Variants in ATF2 observed in about 807,000 individuals in gnomAD.
The protein encoded by ATF2 is cyclic AMP-dependent transcription factor ATF-2.
In ATF2, 24 loss-of-function variants were observed where a neutral mutation model predicts 60.6. The ratio of observed to expected loss-of-function variants is 0.40; its 90% CI spans 0.29 to 0.56. The LOEUF is 0.56. Ranked by LOEUF, ATF2 falls within the 20% of genes least tolerant of loss-of-function variation. The probability of loss-of-function intolerance (pLI) is 0.54; values close to 1 mark genes in which losing one functional copy is unlikely to be tolerated. For synonymous variants in ATF2, 206 were observed against 215.4 expected (o/e 0.96, Z 0.38); for missense variants, 433 against 607.7 (o/e 0.71, Z 3.02).
At chr2:175,154,215 AAAAAG>A (rs1164417869) in intron 1 of ATF2, among the ~76,000 whole-genome samples, 1 of 140,978 alleles carries the variant, frequency 7.1e-6, no homozygotes, top group Non-Finnish European at 1.5e-5. Flanking sequence ...ACTCCATCTC[AAAAAG>A]AAAAGAAAAA....
At chr2:175,140,735 T>C (rs566389560) in intron 2 of ATF2, among the ~76,000 whole-genome samples, 1 of 150,340 alleles carries the variant, frequency 6.7e-6, no homozygotes, top group African/African-American at 2.5e-5. Flanking sequence ...ACACCTGTAA[T>C]GATAGCACTT....
At chr2:175,075,995 A>T (rs950820951) in intron 13 of ATF2, among the ~76,000 whole-genome samples, 1 of 152,134 alleles carries the variant, frequency 6.6e-6, no homozygotes, top group Non-Finnish European at 1.5e-5. Flanking sequence ...CAAATCTAAG[A>T]ATGTGTATTG....
chr2:175,076,632 C>A (rs1445008203), intron 13 of ATF2, among the ~76,000 whole-genome samples: 2 of 151,712 alleles, frequency 1.3e-5, no homozygotes, highest in African/African-American at 4.8e-5. Flanking sequence ...ATTAAAATAG[C>A]CAATATAATC....
chr2:175,086,550 G>A (rs922159109), intron 12 of ATF2, among the ~76,000 whole-genome samples: 1 of 152,072 alleles, frequency 6.6e-6, no homozygotes, highest in African/African-American at 2.4e-5. Flanking sequence ...AAAGCTGAGT[G>A]GTTCCTAAGT....
chr2:175,094,330 G>A (rs1242886169), intron 11 of ATF2, among the ~76,000 whole-genome samples: 1 of 146,520 alleles, frequency 6.8e-6, no homozygotes, highest in African/African-American at 2.5e-5. Flanking sequence ...GGAGGCAGAG[G>A]TTGCAGTGAG....
At chr2:175,146,710 A>G (rs1018400646) in intron 2 of ATF2, among the ~76,000 whole-genome samples, 1 of 152,214 alleles carries the variant, frequency 6.6e-6, no homozygotes, top group African/African-American at 2.4e-5. Flanking sequence ...ATGAAATCGC[A>G]TCTTCTTGCT....
intron 4 of ATF2, among the ~76,000 whole-genome samples, chr2:175,124,034 G>T (rs942246597): frequency 3.3e-5 from 5 of 151,656 alleles, no homozygotes; most frequent in African/African-American, 1.2e-4. Context: ...TAAAATAGCT[G>T]CAAGCTAAAT....
chr2:175,124,079 T>C (rs916801054), intron 4 of ATF2, among the ~76,000 whole-genome samples: 1 of 9,678 alleles, frequency 1.0e-4, no homozygotes, highest in East Asian at 0.056. Flanking sequence ...GTCTTCCCAG[T>C]CAAATTATAT....
chr2:175,163,260 T>C (rs1426284773), intron 1 of ATF2, among the ~76,000 whole-genome samples: 1 of 151,866 alleles, frequency 6.6e-6, no homozygotes, highest in African/African-American at 2.4e-5. Flanking sequence ...CTAAAAAAAT[T>C]AGAATGACAA....
chr2:175,098,963 TTC>T (rs1695127894), intron 10 of ATF2, among the ~76,000 whole-genome samples: 2 of 152,208 alleles, frequency 1.3e-5, no homozygotes, highest in Non-Finnish European at 2.9e-5. Flanking sequence ...AGTGGACATT[TTC>T]TCTCTCTTGT....
chr2:175,158,420 C>T (rs926101265), intron 1 of ATF2, among the ~76,000 whole-genome samples: 11 of 151,732 alleles, frequency 7.2e-5, no homozygotes, highest in South Asian at 2.1e-4. Flanking sequence ...ACCGGTCTCA[C>T]GATGTTGCCC....
chr2:175,082,390 T>TGG (rs1458350306), intron 12 of ATF2, among the ~76,000 whole-genome samples: 4 of 152,204 alleles, frequency 2.6e-5, no homozygotes, highest in African/African-American at 7.2e-5. Context: ...AGGAAACACC[T>TGG]TCTCCAACTG....
intron 1 of ATF2, among the ~76,000 whole-genome samples, chr2:175,159,803 A>G (rs966067638): frequency 3.9e-5 from 6 of 152,230 alleles, no homozygotes; most frequent in African/African-American, 9.6e-5. Context: ...AAATTTACAG[A>G]GTAATAATTA....
rs1693147482 is a variant in ATF2 at position 175,074,535 on chromosome 2, G to GA, written c.*73dup. On this transcript the variant is annotated 3_prime_UTR_variant, in exon 14 of 14. Transcript: ENST00000264110. Reference sequence around the variant, plus strand: ...TACAACCACAGATTTCGCATAAATGGAAACTGGTCTTTCCTTGATTTCCCT... The same window carrying GA: ...TACAACCACAGATTTCGCATAAATGGAAAACTGGTCTTTCCTTGATTTCCCT... 1.4e-6 allele frequency: 2 copies of GA among 1,469,136 alleles called. No homozygotes were observed. Among genetic ancestry groups the GA allele is most frequent in the South Asian group, 2.7e-5 (2 of 73,594 alleles). The allele number at this position is 1,469,136 out of a possible 1,614,324, so 91.0% of individuals were successfully genotyped here.
At chr2:175,154,034 A>C (rs1486858626) in intron 1 of ATF2, among the ~76,000 whole-genome samples, 1 of 151,482 alleles carries the variant, frequency 6.6e-6, no homozygotes, top group African/African-American at 2.4e-5. Context: ...AGCGTGACCA[A>C]CATGGACCTC....
chr2:175,129,813 C>A (rs1697600941), intron 4 of ATF2, among the ~76,000 whole-genome samples: 1 of 151,970 alleles, frequency 6.6e-6, no homozygotes, highest in African/African-American at 2.4e-5. Flanking sequence ...GATCTGATTT[C>A]TAATTAGGCA....
chr2:175,095,412 G>A (rs1346145041), intron 11 of ATF2, among the ~76,000 whole-genome samples: 3 of 152,130 alleles, frequency 2.0e-5, no homozygotes, highest in African/African-American at 7.2e-5. Flanking sequence ...AGAATGGCAG[G>A]TTTTTTCTTT....
chr2:175,084,132 C>T (rs922826826), intron 12 of ATF2, among the ~76,000 whole-genome samples: 7 of 152,076 alleles, frequency 4.6e-5, no homozygotes, highest in Admixed American at 2.6e-4. Flanking sequence ...ACCCAGCCAT[C>T]CCATTACTGG....
Position 175,114,395 on chromosome 2 carries a change from A to T in ATF2, c.627-287T>A, listed in dbSNP as rs184213254. Reference sequence around the variant, plus strand: ...GAGCTCTTGGGAGCTACCAGTAAGAACTGAAAGAAATGGAATCTGGTGATG... The same window carrying T: ...GAGCTCTTGGGAGCTACCAGTAAGATCTGAAAGAAATGGAATCTGGTGATG... On this transcript the variant is annotated intron_variant, in intron 8 of 13. Coordinates refer to ENST00000264110, the MANE Select transcript of ATF2 (RefSeq NM_001880.4). 4.0e-3 allele frequency: 4,968 copies of T among 1,251,854 alleles called. 10 individuals carry two copies. The highest frequency in any genetic ancestry group is 4.5e-3 in the Non-Finnish European group (4,544 of 999,310). The allele number at this position is 1,251,854 out of a possible 1,614,324, so 77.5% of individuals were successfully genotyped here.
Sources: allele counts gnomAD v4.1 joint callset (sites outside exome capture counted in the v4.1 genomes callset), GRCh38; gene constraint gnomAD v4.1.1; transcripts MANE v1.5; gene names NCBI Gene and HGNC (gene_info 2026-07-23, HGNC 2026-07-21).